RASSF8: variants seen among roughly 807,000 people sequenced by gnomAD.
RASSF8 encodes ras association domain-containing protein 8.
Under a neutral mutation model 48.5 loss-of-function variants are expected in RASSF8, and 22 were observed. The observed-to-expected ratio is 0.45, with a 90% CI of 0.32 to 0.65. The LOEUF is 0.65. Ranked by LOEUF, RASSF8 falls within the 30% of genes least tolerant of loss-of-function variation. The pLI is 0.03. For missense variants in RASSF8, 418 were observed against 489.2 expected, an observed-to-expected ratio of 0.85 and a Z score of 1.37; for synonymous variants, 127 against 171.5, an observed-to-expected ratio of 0.74 and a Z score of 2.03.
At chr12:25,982,728 A>G (rs1941773659) in intron 1 of RASSF8, among the ~76,000 whole-genome samples, 1 of 152,204 alleles carries the variant, frequency 6.6e-6, no homozygotes, top group African/African-American at 2.4e-5. Flanking sequence ...AGTTTAGTAG[A>G]CAATGTCTCC....
chr12:26,051,945 T>C (rs1943500091), intron 2 of RASSF8, among the ~76,000 whole-genome samples: 2 of 152,190 alleles, frequency 1.3e-5, no homozygotes, highest in South Asian at 4.1e-4. Context: ...TTCAGCACTA[T>C]GCTTGGGGGC....
chr12:26,062,047 A>G (rs1308951230), intron 3 of RASSF8, among the ~76,000 whole-genome samples: 2 of 152,192 alleles, frequency 1.3e-5, no homozygotes, highest in Non-Finnish European at 2.9e-5. Context: ...TGTTTAGTTC[A>G]TATAATGTGA....
chr12:26,037,316 C>T lies in RASSF8; in HGVS notation c.-108-17920C>T, dbSNP rs191783047. 3.9e-5 allele frequency among the ~76,000 whole-genome samples: 6 copies of T among 152,304 alleles called. No individual in the cohort carries two copies. In the East Asian group the frequency reaches 7.7e-4, roughly 20 times the overall value. On this transcript the variant is annotated intron_variant, in intron 2 of 5. Coordinates refer to ENST00000689635, the MANE Select transcript of RASSF8 (RefSeq NM_001394098.1). ...TGATAAGATACTCTTTTGTCACCTC[C>T]GTGGATCTTTGTCACTGCCAAACAC... is the stretch of plus-strand genomic sequence containing the variant.
intron 2 of RASSF8, among the ~76,000 whole-genome samples, chr12:26,018,430 T>A (rs1942703987): frequency 6.6e-6 from 1 of 152,176 alleles, no homozygotes; most frequent in African/African-American, 2.4e-5. Context: ...CATTTTTTTA[T>A]TGACAGATAA....
intron 2 of RASSF8, among the ~76,000 whole-genome samples, chr12:26,019,059 T>C (rs1341496083): frequency 6.6e-6 from 1 of 152,194 alleles, no homozygotes; most frequent in Non-Finnish European, 1.5e-5. Context: ...GGCATGGGGA[T>C]GGATTGCACA....
At chr12:26,053,801 A>T (rs1943545195) in intron 2 of RASSF8, among the ~76,000 whole-genome samples, 2 of 152,178 alleles carry the variant, frequency 1.3e-5, no homozygotes, top group Admixed American at 6.5e-5. Context: ...GTGCTAGGAG[A>T]TTAATGTTCA....
intron 1 of RASSF8, among the ~76,000 whole-genome samples, chr12:25,976,876 A>G (rs142635210): frequency 7.5e-4 from 114 of 152,236 alleles, no homozygotes; most frequent in African/African-American, 2.6e-3. Context: ...AAAGCCTAAC[A>G]CCACATGCTT....
intron 2 of RASSF8, among the ~76,000 whole-genome samples, chr12:26,020,867 A>G (rs1297336610): frequency 1.3e-5 from 2 of 152,166 alleles, no homozygotes; most frequent in Admixed American, 1.3e-4. Context: ...TTTGGGGCCT[A>G]TGTTCTCATC....
chr12:26,019,517 A>G (rs1216765135), intron 2 of RASSF8, among the ~76,000 whole-genome samples: 1 of 152,002 alleles, frequency 6.6e-6, no homozygotes, highest in Non-Finnish European at 1.5e-5. Flanking sequence ...ACTAAATAAC[A>G]TAAATGTTCT....
intron 2 of RASSF8, among the ~76,000 whole-genome samples, chr12:26,016,811 G>A (rs1942662531): frequency 6.6e-6 from 1 of 151,932 alleles, no homozygotes; most frequent in South Asian, 2.1e-4. Context: ...TTATTTTTGT[G>A]ATTTTCTACT....
At chr12:26,027,332 T>C (rs1273732264) in intron 2 of RASSF8, among the ~76,000 whole-genome samples, 1 of 152,238 alleles carries the variant, frequency 6.6e-6, no homozygotes, top group African/African-American at 2.4e-5. Flanking sequence ...GTGAATTGTA[T>C]GGCATGTTAA....
chr12:26,016,208 T>G (rs201796757), intron 2 of RASSF8, among the ~76,000 whole-genome samples: 37,413 of 128,814 alleles, frequency 0.29, 5,281 homozygotes, highest in East Asian at 0.51. Context: ...GTTTTTGGGT[T>G]TTTTTTTTTT....
chr12:26,076,913 C>T (rs1944077671), downstream of RASSF8, among the ~76,000 whole-genome samples: 1 of 152,224 alleles, frequency 6.6e-6, no homozygotes, highest in Non-Finnish European at 1.5e-5. Flanking sequence ...TCTCCACATC[C>T]TCTCCAGCAT....
At chr12:26,014,728 T>C (rs1483733568) in intron 2 of RASSF8, among the ~76,000 whole-genome samples, 1 of 152,234 alleles carries the variant, frequency 6.6e-6, no homozygotes. Context: ...TTTGAAGTTT[T>C]CATTAAATTC....
intron 1 of RASSF8, among the ~76,000 whole-genome samples, chr12:25,987,276 A>G (rs537202048): frequency 2.6e-5 from 4 of 152,306 alleles, no homozygotes; most frequent in African/African-American, 9.6e-5. Flanking sequence ...CTAGGCAGTG[A>G]GTGTTCATGA....
chr12:26,044,326 G>A lies in RASSF8; in HGVS notation c.-108-10910G>A, dbSNP rs1214965393. ...GAGTTTTGGTTTTTACTGTGAAATT[G>A]TAGGACTTAAATATAAACACATAGT... On this transcript the variant is annotated intron_variant, in intron 2 of 5. Coordinates refer to ENST00000689635, the MANE Select transcript of RASSF8 (RefSeq NM_001394098.1). Among the ~76,000 whole-genome samples the A allele has an allele frequency of 2.0e-5, 3 of 152,122 alleles. No individual in the cohort carries two copies. The South Asian group carries it at 6.2e-4, about 32-fold the overall frequency.
chr12:26,039,403 T>G (rs1429248542), intron 2 of RASSF8, among the ~76,000 whole-genome samples: 1 of 151,968 alleles, frequency 6.6e-6, no homozygotes, highest in Admixed American at 6.6e-5. Flanking sequence ...GCTTGGGACT[T>G]GAGTTCTTTA....
At chr12:25,961,838 T>A (rs1025613561) in intron 1 of RASSF8, among the ~76,000 whole-genome samples, 4 of 152,160 alleles carry the variant, frequency 2.6e-5, no homozygotes, top group Non-Finnish European at 5.9e-5. Context: ...CTCACTCCAC[T>A]CTCTCTTTTC....
rs539068480 is a variant in RASSF8 at position 26,043,476 on chromosome 12, C to T, written c.-108-11760C>T. On this transcript the variant is annotated intron_variant, in intron 2 of 5. Transcript: ENST00000689635. The stretch of plus-strand genomic sequence containing the variant: ...TGGAGAGCCGTTGGAGGATTCTGAC[C>T]AGGGGAATGGAATCCAGTTTTATTT... 1.8e-4 allele frequency among the ~76,000 whole-genome samples: 27 copies of T among 152,232 alleles called. No individual in the cohort carries two copies. In the East Asian group the frequency reaches 5.0e-3, roughly 28 times the overall value.
Sources: gnomAD v4.1 joint callset for allele counts (sites outside exome capture counted in the v4.1 genomes callset) on GRCh38, gnomAD v4.1.1 for gene constraint, MANE v1.5 for transcripts, NCBI Gene and HGNC (gene_info 2026-07-23, HGNC 2026-07-21) for gene names.